Variants in TAFA2 observed in about 807,000 individuals in gnomAD.
The protein encoded by TAFA2 is chemokine-like protein TAFA-2.
A neutral mutation model predicts 18.8 loss-of-function variants in TAFA2; 7 were observed. The observed-to-expected ratio is 0.37, with a 90% CI of 0.21 to 0.70. The LOEUF is 0.70. TAFA2 is among the 30% of genes least tolerant of loss of function. TAFA2 has a pLI of 0.53. For missense variants in TAFA2, 122 were observed against 158.1 expected (o/e 0.77, Z 1.23); for synonymous variants, 60 against 54.2 (o/e 1.11, Z -0.47).
At chr12:61,712,640 T>C (rs1869466888) in intron 4 of TAFA2, among the ~76,000 whole-genome samples, 1 of 152,092 alleles carries the variant, frequency 6.6e-6, no homozygotes, top group African/African-American at 2.4e-5. Flanking sequence ...AAAGAAGTAA[T>C]TGTCTAAACA....
intron 1 of TAFA2, among the ~76,000 whole-genome samples, chr12:62,088,443 G>A (rs977909546): frequency 1.3e-5 from 2 of 151,810 alleles, no homozygotes; most frequent in South Asian, 4.1e-4. Context: ...GGCTGTCCCC[G>A]GTCCTTCTGC....
chr12:61,920,580 C>T (rs774849085), intron 1 of TAFA2, among the ~76,000 whole-genome samples: 11 of 152,126 alleles, frequency 7.2e-5, no homozygotes, highest in Non-Finnish European at 1.3e-4. Context: ...TTCCTTGTTA[C>T]GATGATATAT....
At chr12:62,174,386 T>C (rs1268157516) in intron 1 of TAFA2, among the ~76,000 whole-genome samples, 1 of 151,574 alleles carries the variant, frequency 6.6e-6, no homozygotes, top group Non-Finnish European at 1.5e-5. Flanking sequence ...GGAACACCAA[T>C]ATTTCAAGGA....
intron 1 of TAFA2, among the ~76,000 whole-genome samples, chr12:62,097,501 A>T (rs1305512125): frequency 6.6e-6 from 1 of 152,118 alleles, no homozygotes; most frequent in Non-Finnish European, 1.5e-5. Context: ...CAAGTAGCAA[A>T]AGAAGTAGGA....
chr12:62,136,589 C>T (rs1870904491), intron 1 of TAFA2, among the ~76,000 whole-genome samples: 1 of 152,054 alleles, frequency 6.6e-6, no homozygotes, highest in Non-Finnish European at 1.5e-5. Flanking sequence ...TAAAGACATC[C>T]AAAGCTTTTT....
At chr12:62,120,884 T>A (rs1035342776) in intron 1 of TAFA2, among the ~76,000 whole-genome samples, 1 of 151,910 alleles carries the variant, frequency 6.6e-6, no homozygotes, top group Non-Finnish European at 1.5e-5. Flanking sequence ...AGATGGAGTT[T>A]CGCTCTTATT....
At chr12:62,254,759 A>G (rs551625540) in intron 1 of TAFA2, among the ~76,000 whole-genome samples, 1 of 152,348 alleles carries the variant, frequency 6.6e-6, no homozygotes, top group East Asian at 1.9e-4. Context: ...AACACATTAT[A>G]AAGAATACCT....
At chr12:62,056,972 C>T (rs1400545281) in intron 1 of TAFA2, among the ~76,000 whole-genome samples, 1 of 152,192 alleles carries the variant, frequency 6.6e-6, no homozygotes, top group Non-Finnish European at 1.5e-5. Context: ...TTTAGTCTCT[C>T]ATGCTGTCCT....
At chr12:61,868,919 CT>C (rs544486361) in intron 1 of TAFA2, among the ~76,000 whole-genome samples, 142 of 152,266 alleles carry the variant, frequency 9.3e-4, no homozygotes, top group African/African-American at 3.3e-3. Flanking sequence ...TCAGTTTCCT[CT>C]GCAAATTTCT....
intron 1 of TAFA2, among the ~76,000 whole-genome samples, chr12:61,913,634 G>A (rs1408839813): frequency 1.3e-5 from 2 of 152,262 alleles, no homozygotes; most frequent in Non-Finnish European, 2.9e-5. Flanking sequence ...CCTGACTTCC[G>A]AGTATCTCTA....
intron 2 of TAFA2, among the ~76,000 whole-genome samples, chr12:61,764,132 T>G (rs1237861436): frequency 6.6e-6 from 1 of 151,982 alleles, no homozygotes; most frequent in Non-Finnish European, 1.5e-5. Flanking sequence ...CCTCCTACAT[T>G]TACCTCATAC....
intron 1 of TAFA2, among the ~76,000 whole-genome samples, chr12:62,003,418 C>A (rs1463056617): frequency 6.6e-6 from 1 of 152,156 alleles, no homozygotes; most frequent in Non-Finnish European, 1.5e-5. Context: ...CACCTCAGAG[C>A]CTTTGCACTG....
In TAFA2 at chr12:62,158,469, T is replaced by C. The variant is rs147277277; in HGVS notation, c.-2+32790A>G. On this transcript the variant is annotated intron_variant, in intron 1 of 4. Coordinates refer to ENST00000416284, the MANE Select transcript of TAFA2 (RefSeq NM_178539.5). ...TCTTCTCCTGGTGAGTTCTTCGCAA[T>C]TTATTAGCACGTAAGAAGCTATTTT... 2.0e-3 allele frequency among the ~76,000 whole-genome samples: 303 copies of C among 152,340 alleles called. 1 individual carries two copies. The highest frequency in any genetic ancestry group is 6.7e-3 in the African/African-American group (278 of 41,586).
intron 1 of TAFA2, among the ~76,000 whole-genome samples, chr12:61,992,296 C>T (rs188884583): frequency 6.6e-4 from 101 of 152,310 alleles, no homozygotes; most frequent in African/African-American, 2.4e-3. Context: ...TCCCTAATTT[C>T]AGCAAATGGA....
chr12:62,194,136 A>T (rs1473014487), upstream of TAFA2, among the ~76,000 whole-genome samples: 1 of 152,192 alleles, frequency 6.6e-6, no homozygotes, highest in South Asian at 2.1e-4. Context: ...AGCAACGTTT[A>T]CATTTTAAAA....
intron 1 of TAFA2, among the ~76,000 whole-genome samples, chr12:61,918,743 C>G (rs1182149341): frequency 1.3e-5 from 2 of 152,090 alleles, no homozygotes; most frequent in Non-Finnish European, 2.9e-5. Context: ...AATGAAGAAC[C>G]ATGCTTATTT....
intron 1 of TAFA2, among the ~76,000 whole-genome samples, chr12:62,106,883 G>C (rs1565746499): frequency 6.6e-6 from 1 of 152,098 alleles, no homozygotes; most frequent in Non-Finnish European, 1.5e-5. Context: ...AAGGATCACC[G>C]TACCTTTTTT....
chr12:62,113,734 T>C (rs1283891808), intron 1 of TAFA2, among the ~76,000 whole-genome samples: 1 of 152,194 alleles, frequency 6.6e-6, no homozygotes, highest in Non-Finnish European at 1.5e-5. Context: ...ACAACAGCTT[T>C]GCAGAGCTGC....
At chr12:61,844,936 A>C (rs1373649176) in intron 2 of TAFA2, among the ~76,000 whole-genome samples, 1 of 152,102 alleles carries the variant, frequency 6.6e-6, no homozygotes, top group Non-Finnish European at 1.5e-5. Flanking sequence ...CAAAGCAACT[A>C]TCCAAAATTC....
Sources: allele counts gnomAD v4.1 joint callset (sites outside exome capture counted in the v4.1 genomes callset), GRCh38; gene constraint gnomAD v4.1.1; transcripts MANE v1.5; gene names NCBI Gene and HGNC (gene_info 2026-07-23, HGNC 2026-07-21).